TSPAN16: variants seen among roughly 807,000 people sequenced by gnomAD.
TSPAN16 encodes tetraspanin 16.
Under a neutral mutation model 25.2 loss-of-function variants are expected in TSPAN16, and 23 were observed. The ratio of observed to expected loss-of-function variants is 0.91; its 90% CI spans 0.66 to 1.29. The LOEUF is 1.29. TSPAN16 is among the 50% of genes most tolerant of loss of function. The probability of loss-of-function intolerance (pLI) is 0.00; values close to 1 mark genes in which losing one functional copy is unlikely to be tolerated. For synonymous variants in TSPAN16, 123 were observed against 124.4 expected, an observed-to-expected ratio of 0.99 and a Z score of 0.08; for missense variants, 272 against 299.9, an observed-to-expected ratio of 0.91 and a Z score of 0.69.
chr19:11,320,098 C>T (rs1224762406), downstream of TSPAN16, among the ~76,000 whole-genome samples: 1 of 148,912 alleles, frequency 6.7e-6, no homozygotes, highest in Non-Finnish European at 1.5e-5. Flanking sequence ...GATTACAGGC[C>T]TGAGCCACTA....
chr19:11,296,989 C>T (rs974125803), intron 1 of TSPAN16, among the ~76,000 whole-genome samples: 1 of 151,970 alleles, frequency 6.6e-6, no homozygotes, highest in Non-Finnish European at 1.5e-5. Context: ...GGCAGTGAGC[C>T]GAGATTGTGT....
intron 1 of TSPAN16, 68 bp downstream of exon 1, chr19:11,296,434 A>G: frequency 6.5e-7 from 1 of 1,530,750 alleles, no homozygotes; most frequent in Non-Finnish European, 9.0e-7. Flanking sequence ...TCCCTGAAAG[A>G]CAGAAATAAG....
intron 4 of TSPAN16, among the ~76,000 whole-genome samples, chr19:11,302,197 A>G (rs974282487): frequency 1.4e-4 from 21 of 151,908 alleles, no homozygotes; most frequent in Non-Finnish European, 2.8e-4. Flanking sequence ...CATCACCACC[A>G]TCTCTAGAAC....
intron 6 of TSPAN16, among the ~76,000 whole-genome samples, chr19:11,314,666 G>T (rs944664527): frequency 6.6e-6 from 1 of 152,110 alleles, no homozygotes; most frequent in South Asian, 2.1e-4. Context: ...CTTGCAGAGG[G>T]GTGACAGGGT....
In TSPAN16 at chr19:11,298,289, T is replaced by TGTGCC; in HGVS notation, c.219_223dup (p.Gly75ValfsTer53). 1 of 1,614,180 alleles carries TGTGCC rather than the reference T, an allele frequency of 6.2e-7. No homozygotes were observed. The highest frequency in any genetic ancestry group is 8.5e-7 in the Non-Finnish European group (1 of 1,180,026). The stretch of plus-strand genomic sequence containing the variant: ...GGGATGCATCACGGTACTGCTTGGC[T>TGTGCC]GTGCCGGGTGGTATGGAGCGACTAA... On this transcript the variant is annotated frameshift_variant, in exon 2 of 7. Transcript: ENST00000590327. LOFTEE classifies it high-confidence loss of function.
downstream of TSPAN16, among the ~76,000 whole-genome samples, chr19:11,320,122 CTTTT>C (rs373015307): frequency 1.9e-5 from 2 of 106,838 alleles, no homozygotes; most frequent in African/African-American, 4.1e-5. Context: ...CCGGCCAGGA[CTTTT>C]TTTTTTTTTT....
At position 11,296,280 on chromosome 19, in the gene TSPAN16, T is replaced by C. The variant is rs758891160; in HGVS notation, c.-18T>C. Reference sequence around the variant, plus strand: ...AAGATGTTAACTTAAATGTTCAGGGTGCCCCAGTCTGTTCAGCATGGCTGA... The same window carrying C: ...AAGATGTTAACTTAAATGTTCAGGGCGCCCCAGTCTGTTCAGCATGGCTGA... On this transcript the variant is annotated 5_prime_UTR_variant, in exon 1 of 7. Coordinates refer to ENST00000590327, the MANE Select transcript of TSPAN16 (RefSeq NM_001282509.2). The C allele has an allele frequency of 1.2e-6, 2 of 1,613,054 alleles. No individual in the cohort carries two copies. The highest frequency in any genetic ancestry group is 1.1e-5 in the South Asian group (1 of 90,986).
downstream of TSPAN16, among the ~76,000 whole-genome samples, chr19:11,316,267 C>T (rs544563445): frequency 2.0e-5 from 3 of 151,958 alleles, no homozygotes; most frequent in South Asian, 2.1e-4. Flanking sequence ...TACAGGCACT[C>T]GCTACCATGC....
At chr19:11,307,109 TTTTA>T (rs908033913) in intron 5 of TSPAN16, among the ~76,000 whole-genome samples, 5 of 148,316 alleles carry the variant, frequency 3.4e-5, no homozygotes, top group African/African-American at 1.3e-4. Flanking sequence ...TACCCAGCCT[TTTTA>T]TTTATTTATT....
chr19:11,319,977 G>C (rs1298813594), downstream of TSPAN16, among the ~76,000 whole-genome samples: 1 of 151,958 alleles, frequency 6.6e-6, no homozygotes, highest in East Asian at 2.0e-4. Flanking sequence ...ACCACGCCCG[G>C]CTAATTTTTT....
intron 4 of TSPAN16, among the ~76,000 whole-genome samples, chr19:11,305,148 A>G (rs186024918): frequency 6.6e-6 from 1 of 152,106 alleles, no homozygotes; most frequent in East Asian, 1.9e-4. Flanking sequence ...TCTCTCTTTC[A>G]TTCATTCATA....
chr19:11,306,453 T>G, intron 4 of TSPAN16, 151 bp from the exon 5 acceptor site: 1 of 914,774 alleles, frequency 1.1e-6, no homozygotes, highest in Non-Finnish European at 1.6e-6. Flanking sequence ...CCAGGGAGGG[T>G]TCTGGGCTGT....
rs367715754 is a variant in TSPAN16, at chr19:11,306,653, T to G, written c.500T>G (p.Phe167Cys). Residue 167 changes from phenylalanine (F) to cysteine (C), a missense_variant, in exon 5 of 7, where the codon TTC becomes TGC. Physicochemically the swap from Phe to Cys is radical, Grantham distance 205. Transcript: ENST00000590327. ...TACACAGATTTTTCTGGCTCTTCCT[T>G]CGAAATGACAACGGGCCACACCTAC... is the stretch of plus-strand genomic sequence containing the variant. ...NNYTDFSGSS[F>C]EMTTGHTYPR... is the part of the protein sequence containing the mutation. 5 of 1,613,806 alleles carry G rather than the reference T, an allele frequency of 3.1e-6. No homozygotes were observed. The highest frequency in any genetic ancestry group is 4.2e-6 in the Non-Finnish European group (5 of 1,179,996).
intron 6 of TSPAN16, chr19:11,323,249 T>C (rs1344119369): frequency 6.6e-6 from 1 of 152,216 alleles, no homozygotes; most frequent in African/African-American, 2.4e-5. Context: ...TACCCTCACT[T>C]TGTGCATAGG....
chr19:11,308,752 C>T (rs151042877), intron 5 of TSPAN16, among the ~76,000 whole-genome samples: 5,081 of 152,116 alleles, frequency 0.033, 286 homozygotes, highest in African/African-American at 0.12. Flanking sequence ...GGATTACAGG[C>T]GTGAGCCACC....
chr19:11,306,733 T>C lies in TSPAN16; in HGVS notation c.580T>C (p.Ser194Pro). 6.2e-7 allele frequency: 1 copy of C among 1,613,978 alleles called. No homozygotes were observed. Among genetic ancestry groups the C allele is most frequent in the South Asian group, 1.1e-5 (1 of 91,064 alleles). ...TGTGTCCTGTGACGGACGCGATGTG[T>C]CTCCAAACGTCATCCACCAGAAGGT... ...GSVSCDGRDV[S>P]PNVIHQKGCF... is the part of the protein sequence containing the mutation. Residue 194 changes from serine to proline, a missense_variant, in exon 5 of 7, where the codon TCT (serine) becomes CCT (proline). By Grantham distance (74) the Ser-to-Pro change is moderately conservative. Coordinates refer to ENST00000590327, the MANE Select transcript of TSPAN16 (RefSeq NM_001282509.2).
At chr19:11,319,698 T>G (rs8112129), downstream of TSPAN16, among the ~76,000 whole-genome samples, 52,061 of 152,114 alleles carry the variant, frequency 0.34, 10,118 homozygotes, top group African/African-American at 0.54. Flanking sequence ...GTGTGGGGGA[T>G]GGTGTGCAGC....
intron 4 of TSPAN16, among the ~76,000 whole-genome samples, chr19:11,301,678 G>A (rs529085114): frequency 1.3e-5 from 2 of 151,524 alleles, no homozygotes. Flanking sequence ...GCACATGCTT[G>A]TGGTCCCAGC....
chr19:11,314,524 T>G (rs17699238), intron 6 of TSPAN16, among the ~76,000 whole-genome samples: 30,092 of 151,964 alleles, frequency 0.2, 3,532 homozygotes, highest in East Asian at 0.45. Flanking sequence ...TTGGGGTAAT[T>G]TTTTTCATTG....
Sources: gnomAD v4.1 joint callset for allele counts (sites outside exome capture counted in the v4.1 genomes callset) on GRCh38, gnomAD v4.1.1 for gene constraint, MANE v1.5 for transcripts, NCBI Gene and HGNC (gene_info 2026-07-23, HGNC 2026-07-21) for gene names.